Variants in PRAMEF4 observed in about 807,000 individuals in gnomAD.
PRAMEF4 encodes the protein PRAME family member 4, also known as RP5-845O24.6.
Under a neutral mutation model 34.4 loss-of-function variants are expected in PRAMEF4, and 18 were observed. The ratio of observed to expected loss-of-function variants is 0.52; its 90% CI spans 0.36 to 0.78. The LOEUF (loss-of-function observed/expected upper bound fraction) is 0.78. Among genes scored for constraint, PRAMEF4 ranks in the 30% least tolerant of loss-of-function variants. PRAMEF4 has a pLI of 0.00. For missense variants in PRAMEF4, 482 were observed against 569.1 expected (o/e 0.85, Z 1.56); for synonymous variants, 156 against 219.3 (o/e 0.71, Z 2.55).
intron 1 of PRAMEF4, among the ~76,000 whole-genome samples, chr1:12,885,826 C>T (rs1171215696): frequency 7.0e-6 from 1 of 143,132 alleles, no homozygotes; most frequent in Non-Finnish European, 1.5e-5. Context: ...GGGTTTTTGT[C>T]ATGTTGTCCA....
In PRAMEF4 at chr1:12,883,189, C is replaced by T; in HGVS notation, c.206G>A (p.Arg69Lys). 2 of 1,600,204 alleles carry T rather than the reference C, an allele frequency of 1.2e-6. No individual in the cohort carries two copies. Among genetic ancestry groups the T allele is most frequent in the South Asian group, 1.1e-5 (1 of 90,122 alleles). Residue 69 changes from arginine to lysine, a missense_variant, in exon 2 of 4, where the codon AGG (arginine) becomes AAG (lysine). By Grantham distance (26) the Arg-to-Lys change is conservative. Coordinates refer to ENST00000235349, the MANE Select transcript of PRAMEF4 (RefSeq NM_001009611.4). ...CAGACAAGGCATCTTTATCAGAGGC[C>T]TCAGAGGGAGGCGGCGGAAGGGCCA... ...QSWPFRRLPL[R>K]PLIKMPCLEA... is the part of the protein sequence containing the mutation.
Position 12,881,309 on chromosome 1 carries a change from C to G in PRAMEF4, c.875+545G>C, listed in dbSNP as rs1220132745. 2.0e-5 allele frequency among the ~76,000 whole-genome samples: 3 copies of G among 148,406 alleles called. 1 individual carries two copies. Among genetic ancestry groups the G allele is most frequent in the South Asian group, 4.3e-4 (2 of 4,668 alleles). ...TGAACCTGGGAGGCAGAAGTTGCTG[C>G]GAGCTGAGATGTCACAACTGCACTG... On this transcript the variant is annotated intron_variant, in intron 3 of 3. Transcript: ENST00000235349.
At chr1:12,884,011 C>G (rs1448185888) in intron 1 of PRAMEF4, among the ~76,000 whole-genome samples, 1 of 144,932 alleles carries the variant, frequency 6.9e-6, no homozygotes, top group Non-Finnish European at 1.5e-5. Flanking sequence ...TTCTCTCTCT[C>G]CCTCTCTCAC....
Position 12,883,118 on chromosome 1 carries a change from G to C in PRAMEF4, c.277C>G (p.Leu93Val). 6.2e-7 allele frequency: 1 copy of C among 1,601,446 alleles called. No individual in the cohort carries two copies. The highest frequency in any genetic ancestry group is 8.5e-7 in the Non-Finnish European group (1 of 1,174,210). The change falls in exon 2 of 4, where the codon CTA (leucine) becomes GTA (valine). Residue 93 changes from leucine (L) to valine (V), a missense_variant. This residue lies in a region of PRAMEF4 where 172 missense variants were observed against 130.2 expected (regional missense o/e 1.32). Coordinates refer to ENST00000235349, the MANE Select transcript of PRAMEF4 (RefSeq NM_001009611.4). ...CCACCTCACCTGGGACGAACCCCTAGGTTAAGCAGTGCATCCAGCCCATCG... is the reference window on the plus strand; with the variant it reads ...CCACCTCACCTGGGACGAACCCCTACGTTAAGCAGTGCATCCAGCCCATCG... ...VLDGLDALLNLGVRPRRWKLQ... is the reference protein window; with the variant it reads ...VLDGLDALLNVGVRPRRWKLQ...
At position 12,881,956 on chromosome 1, in the gene PRAMEF4, A is replaced by G. The variant is rs201334191; in HGVS notation, c.773T>C (p.Ile258Thr). Residue 258 changes from isoleucine (I) to threonine (T), a missense_variant, in exon 3 of 4, where the codon ATT (isoleucine) becomes ACT (threonine). Physicochemically the swap from Ile to Thr is moderately conservative, Grantham distance 89. Coordinates refer to ENST00000235349, the MANE Select transcript of PRAMEF4 (RefSeq NM_001009611.4). ...RYVSPEQKKE[I>T]VTQFTTQFLK... Reference sequence around the variant, plus strand: ...GAACTGAGTGGTGAACTGGGTAACAATCTCCTTCTTCTGCTCTGGGGAAAC... The same window carrying G: ...GAACTGAGTGGTGAACTGGGTAACAGTCTCCTTCTTCTGCTCTGGGGAAAC... The G allele has an allele frequency of 6.3e-5, 100 of 1,590,688 alleles. 1 individual carries two copies. The highest frequency in any genetic ancestry group is 8.0e-5 in the Non-Finnish European group (94 of 1,175,736).
At chr1:12,881,346 A>T (rs929683077) in intron 3 of PRAMEF4, among the ~76,000 whole-genome samples, 3 of 148,556 alleles carry the variant, frequency 2.0e-5, no homozygotes, top group Non-Finnish European at 3.0e-5. Context: ...AGCCTAGACG[A>T]TCAAAGAGAA....
intron 1 of PRAMEF4, among the ~76,000 whole-genome samples, chr1:12,885,600 G>T (rs1357751332): frequency 6.8e-6 from 1 of 146,656 alleles, no homozygotes; most frequent in Non-Finnish European, 1.5e-5. Context: ...GGCCAGCGTG[G>T]TGAAACCCCA....
Position 12,879,715 on chromosome 1 carries a change from A to G in PRAMEF4, c.1266T>C (p.Tyr422=), listed in dbSNP as rs774503090. Residue 422 remains tyrosine (Y), a synonymous_variant, in exon 4 of 4, where the codon TAT becomes TAC. Coordinates refer to ENST00000235349, the MANE Select transcript of PRAMEF4 (RefSeq NM_001009611.4). ...TCCAGCAGAGAGTACCATCAGCACC[A>G]TAACTCTCCCGGGGGGCAGGATACA... The part of the protein sequence containing the change: ...VELYPAPRES[Y]GADGTLCWSR... 1.4e-5 allele frequency: 23 copies of G among 1,600,616 alleles called. 2 individuals carry two copies. Among genetic ancestry groups the G allele is most frequent in the African/African-American group, 5.5e-5 (4 of 73,016 alleles).
rs1282048153 is a variant in PRAMEF4 at position 12,886,189 on chromosome 1, A to G, written c.-59T>C. ...TAGAAGGTTCTCAGATCTCAGGAAG[A>G]ACCAAGCAGGAACTCCAGGCTTGAA... On this transcript the variant is annotated 5_prime_UTR_variant, in exon 1 of 4. Transcript: ENST00000235349. 6.9e-6 allele frequency: 1 copy of G among 145,536 alleles called. No homozygotes were observed. Among genetic ancestry groups the G allele is most frequent in the African/African-American group, 2.6e-5 (1 of 38,358 alleles). 9.0% of individuals were successfully genotyped at this position (145,536 alleles called of 1,614,324 possible).
In PRAMEF4 at chr1:12,879,840, C is replaced by G; in HGVS notation, c.1141G>C (p.Glu381Gln). The change falls in exon 4 of 4, where the codon GAG (glutamate) becomes CAG (glutamine). Residue 381 changes from glutamate (E) to glutamine (Q), a missense_variant. This residue lies in a region of PRAMEF4 where 116 missense variants were observed against 105.2 expected (regional missense o/e 1.10). Transcript: ENST00000235349. The part of the protein sequence containing the change: ...AILPALSRCF[E>Q]LNTFSFCGNP... ...CCACAGAAGCTGAAGGTGTTGAGCT[C>G]AAAGCAGCGGCTCAGGGCAGGCAAG... The G allele has an allele frequency of 1.3e-6, 2 of 1,599,570 alleles. No homozygotes were observed. The highest frequency in any genetic ancestry group is 1.1e-5 in the South Asian group (1 of 90,252).
intron 1 of PRAMEF4, among the ~76,000 whole-genome samples, 165 bp downstream of exon 1, chr1:12,885,982 G>C (rs1252664792): frequency 1.6e-4 from 11 of 68,690 alleles, no homozygotes; most frequent in Non-Finnish European, 2.9e-4. Context: ...AATAAAGACA[G>C]AACTGCCTTT....
chr1:12,886,194 A>G lies in PRAMEF4; in HGVS notation c.-64T>C, dbSNP rs373957762. 1.4e-4 allele frequency: 20 copies of G among 145,720 alleles called. No homozygotes were observed. Among genetic ancestry groups the G allele is most frequent in the Non-Finnish European group, 2.5e-4 (17 of 66,838 alleles). The allele number at this position is 145,720 out of a possible 1,614,324, so 9.0% of individuals were successfully genotyped here. On this transcript the variant is annotated 5_prime_UTR_variant, in exon 1 of 4. Transcript: ENST00000235349. The stretch of plus-strand genomic sequence containing the variant: ...GGTTCTCAGATCTCAGGAAGAACCA[A>G]GCAGGAACTCCAGGCTTGAAGACTT...
intron 3 of PRAMEF4, among the ~76,000 whole-genome samples, chr1:12,880,737 C>A (rs1276041358): frequency 1.4e-5 from 2 of 147,242 alleles, no homozygotes; most frequent in African/African-American, 5.1e-5. Flanking sequence ...GAGATTCAGG[C>A]ATAAAGGACA....
Position 12,879,802 on chromosome 1 carries a change from G to A in PRAMEF4, c.1179C>T (p.Cys393=), listed in dbSNP as rs748250266. Residue 393 remains cysteine, a synonymous_variant, in exon 4 of 4, where the codon TGC becomes TGT. Transcript: ENST00000235349. ...NTFSFCGNPI[C]MATLENLLSH... ...TCAGCAGGTTCTCCAGGGTGGCCAT[G>A]CAGATGGGATTTCCACAGAAGCTGA... 2 of 1,600,252 alleles carry A rather than the reference G, an allele frequency of 1.2e-6. No individual in the cohort carries two copies. The highest frequency in any genetic ancestry group is 1.1e-5 in the South Asian group (1 of 90,266).
In PRAMEF4 at chr1:12,879,758, T is replaced by C. The variant is rs1490357049; in HGVS notation, c.1223A>G (p.Lys408Arg). ...AGGATACAGCTCCACGCATAAGTTT[T>C]TGAGTATGATTGTGTGGCTCAGCAG... ...ENLLSHTIIL[K>R]NLCVELYPAP... The change falls in exon 4 of 4, where the codon AAA (lysine) becomes AGA (arginine). Residue 408 changes from lysine to arginine, a missense_variant. By Grantham distance (26) the Lys-to-Arg change is conservative. Around this residue, in one of 6 missense-constraint regions of PRAMEF4, gnomAD observed 116 missense variants for 105.2 expected, o/e 1.10. Coordinates refer to ENST00000235349, the MANE Select transcript of PRAMEF4 (RefSeq NM_001009611.4). 5.6e-6 allele frequency: 9 copies of C among 1,602,822 alleles called. No homozygotes were observed. The highest frequency in any genetic ancestry group is 7.7e-6 in the Non-Finnish European group (9 of 1,175,474).
At position 12,883,412 on chromosome 1, in the gene PRAMEF4, T is replaced by C; in HGVS notation, c.-16-2A>G. 6.2e-7 allele frequency: 1 copy of C among 1,601,442 alleles called. No homozygotes were observed. Among genetic ancestry groups the C allele is most frequent in the Non-Finnish European group, 8.5e-7 (1 of 1,174,420 alleles). ...ATCTTCATGAATCTGCAGGGAAAAC[T>C]TCCAGAGGACAAACCCAGAGAAAAG... is the stretch of plus-strand genomic sequence containing the variant. On this transcript the variant is annotated splice_acceptor_variant, in intron 1 of 3. Coordinates refer to ENST00000235349, the MANE Select transcript of PRAMEF4 (RefSeq NM_001009611.4). LOFTEE classifies it low-confidence loss of function (5UTR_SPLICE).
rs935273616 is a variant in PRAMEF4, at chr1:12,884,805, G to A, written c.-17+1342C>T. ...TGGCTTTCTTAAAGATTAACTGATC[G>A]AATTAGATATTGATCCATCAAAATG... On this transcript the variant is annotated intron_variant, in intron 1 of 3. Coordinates refer to ENST00000235349, the MANE Select transcript of PRAMEF4 (RefSeq NM_001009611.4). Among the ~76,000 whole-genome samples the A allele has an allele frequency of 1.9e-4, 29 of 149,096 alleles. 1 individual carries two copies. Among genetic ancestry groups the A allele is most frequent in the African/African-American group, 4.7e-4 (19 of 40,266 alleles).
rs1198528524 is a variant in PRAMEF4, at chr1:12,883,015, C to G, written c.293+87G>C. The G allele has an allele frequency of 1.9e-6, 3 of 1,557,384 alleles. 1 individual carries two copies. The African/African-American group carries it at 4.2e-5, about 22-fold the overall frequency. On this transcript the variant is annotated intron_variant, in intron 2 of 3. Coordinates refer to ENST00000235349, the MANE Select transcript of PRAMEF4 (RefSeq NM_001009611.4). ...TCGGCTTCCTCACCACCACCATCCCCCTTGGGCCTCCTCACTTCTCACGAC... is the reference window on the plus strand; with the variant it reads ...TCGGCTTCCTCACCACCACCATCCCGCTTGGGCCTCCTCACTTCTCACGAC...
At chr1:12,881,030 C>T (rs1232735149) in intron 3 of PRAMEF4, among the ~76,000 whole-genome samples, 3 of 148,206 alleles carry the variant, frequency 2.0e-5, no homozygotes, top group Admixed American at 6.9e-5. Flanking sequence ...TTCCCCTCTT[C>T]AGTGCCCACT....
Sources: allele counts gnomAD v4.1 joint callset (sites outside exome capture counted in the v4.1 genomes callset), GRCh38; gene constraint gnomAD v4.1.1; regional missense constraint gnomAD v4.1.1; transcripts MANE v1.5; gene names NCBI Gene and HGNC (gene_info 2026-07-23, HGNC 2026-07-21).